The following RGPD2 variants were observed in gnomAD, a reference collection of about 807,000 sequenced individuals.
The protein encoded by RGPD2 is RANBP2 like and GRIP domain containing 2.
RGPD2 carries 2 observed loss-of-function variants against 36.0 expected under a neutral mutation model. The observed-to-expected ratio is 0.06, with a 90% CI of 0.02 to 0.17. RGPD2 has a LOEUF of 0.17. Ranked by LOEUF, RGPD2 falls within the 10% of genes least tolerant of loss-of-function variation. RGPD2 has a pLI of 1.00. For synonymous variants in RGPD2, 19 were observed against 163.8 expected (o/e 0.12, Z 6.75); for missense variants, 40 against 464.3 (o/e 0.09, Z 8.40).
chr2:87,842,508 G>A, the RGPD2 span, among the ~76,000 whole-genome samples: 6 of 148,666 alleles, frequency 4.0e-5, no homozygotes, highest in African/African-American at 1.0e-4. Context: ...TACAAGGGAC[G>A]TGAAGGACCT....
chr2:87,809,603 A>G (rs1288968546), intron 6 of RGPD2, among the ~76,000 whole-genome samples: 60 of 135,976 alleles, frequency 4.4e-4, no homozygotes, highest in Non-Finnish European at 5.3e-4. Context: ...TGGGAGGTTC[A>G]CAAGGGGGGG....
At chr2:87,978,258 C>T in the RGPD2 span, among the ~76,000 whole-genome samples, 1 of 151,866 alleles carries the variant, frequency 6.6e-6, no homozygotes, top group African/African-American at 2.4e-5. Flanking sequence ...AAGAACTTCA[C>T]CAGCTTACAT....
the RGPD2 span, among the ~76,000 whole-genome samples, chr2:87,886,088 T>G: frequency 1.3e-5 from 2 of 152,000 alleles, no homozygotes; most frequent in African/African-American, 4.8e-5. Context: ...AATCTCACAG[T>G]TTTTAACATC....
the RGPD2 span, among the ~76,000 whole-genome samples, chr2:87,876,324 T>A: frequency 6.6e-6 from 1 of 151,922 alleles, no homozygotes; most frequent in Non-Finnish European, 1.5e-5. Flanking sequence ...GATGTTAGGT[T>A]GTTAACTTGA....
chr2:87,760,863 C>T (rs766923676), intron 22 of RGPD2, among the ~76,000 whole-genome samples: 16 of 147,102 alleles, frequency 1.1e-4, no homozygotes, highest in East Asian at 6.0e-4. Context: ...GCGATCTGCC[C>T]GCCTCGGCCT....
intron 20 of RGPD2, among the ~76,000 whole-genome samples, chr2:87,781,447 G>A (rs1173432270): frequency 8.4e-6 from 1 of 118,468 alleles, no homozygotes; most frequent in Non-Finnish European, 1.8e-5. Context: ...CAATATCATG[G>A]TTTTTTTTGT....
At chr2:87,871,642 G>A in the RGPD2 span, among the ~76,000 whole-genome samples, 1 of 152,090 alleles carries the variant, frequency 6.6e-6, no homozygotes, top group Non-Finnish European at 1.5e-5. Context: ...AAAGTGGGCA[G>A]ATTACCCGAG....
the RGPD2 span, among the ~76,000 whole-genome samples, chr2:87,888,056 T>C: frequency 3.3e-5 from 5 of 149,884 alleles, no homozygotes; most frequent in African/African-American, 1.2e-4. Context: ...ATTATTAAAA[T>C]GACAAGGAGA....
At chr2:87,869,124 G>A in the RGPD2 span, among the ~76,000 whole-genome samples, 5 of 150,792 alleles carry the variant, frequency 3.3e-5, no homozygotes, top group East Asian at 3.9e-4. Context: ...CCATATTGAT[G>A]TATTGGTCCT....
chr2:87,857,767 T>C, the RGPD2 span, among the ~76,000 whole-genome samples: 1 of 139,860 alleles, frequency 7.2e-6, no homozygotes, highest in Non-Finnish European at 1.5e-5. Flanking sequence ...TGAAACCCCA[T>C]CTCTACTAAA....
the RGPD2 span, among the ~76,000 whole-genome samples, chr2:87,919,298 T>C: frequency 4.0e-5 from 6 of 151,068 alleles, no homozygotes; most frequent in Non-Finnish European, 8.9e-5. Flanking sequence ...AATAGAGACA[T>C]CAATAATATA....
chr2:87,977,585 G>T, the RGPD2 span, among the ~76,000 whole-genome samples: 1 of 149,372 alleles, frequency 6.7e-6, no homozygotes, highest in Admixed American at 6.6e-5. Flanking sequence ...AGGCTGAAAT[G>T]GGAGGATGGC....
chr2:87,961,195 A>G, the RGPD2 span, among the ~76,000 whole-genome samples: 55 of 152,370 alleles, frequency 3.6e-4, no homozygotes, highest in Admixed American at 3.0e-3. Flanking sequence ...CACAATTATT[A>G]CTGAGCCCTA....
the RGPD2 span, among the ~76,000 whole-genome samples, chr2:87,922,248 G>C: frequency 7.6e-6 from 1 of 131,352 alleles, no homozygotes; most frequent in Non-Finnish European, 1.5e-5. Context: ...AACCAAGATC[G>C]AGCCACTGCT....
At chr2:87,915,348 TTA>T in the RGPD2 span, among the ~76,000 whole-genome samples, 3 of 135,296 alleles carry the variant, frequency 2.2e-5, no homozygotes, top group Admixed American at 7.9e-5. Flanking sequence ...ATAATGTATA[TTA>T]TATATATTAT....
At chr2:87,943,581 C>A in the RGPD2 span, among the ~76,000 whole-genome samples, 1 of 151,692 alleles carries the variant, frequency 6.6e-6, no homozygotes, top group Non-Finnish European at 1.5e-5. Flanking sequence ...GTCCCTCATT[C>A]TTCAGATTGT....
At chr2:87,876,513 T>C in the RGPD2 span, among the ~76,000 whole-genome samples, 1 of 152,298 alleles carries the variant, frequency 6.6e-6, no homozygotes, top group African/African-American at 2.4e-5. Flanking sequence ...AGCGGATCGC[T>C]CAATTTCCAT....
chr2:87,857,687 T>C, the RGPD2 span, among the ~76,000 whole-genome samples: 3,795 of 148,756 alleles, frequency 0.026, 10 homozygotes, highest in African/African-American at 0.037. Context: ...GCCTGTAATC[T>C]CAGCACTTTG....
the RGPD2 span, among the ~76,000 whole-genome samples, chr2:87,985,184 AGG>A: frequency 1.4e-5 from 2 of 145,132 alleles, no homozygotes; most frequent in Admixed American, 1.4e-4. Flanking sequence ...GTGAGAGGTA[AGG>A]CCTTATACCA....
Sources: allele counts gnomAD v4.1 joint callset (sites outside exome capture counted in the v4.1 genomes callset), GRCh38; gene constraint gnomAD v4.1.1; transcripts MANE v1.5; gene names NCBI Gene and HGNC (gene_info 2026-07-23, HGNC 2026-07-21).